Variants in PRR5L observed in about 807,000 individuals in gnomAD.
The protein encoded by PRR5L is proline-rich protein 5-like.
A neutral mutation model predicts 36.4 loss-of-function variants in PRR5L; 21 were observed. The observed-to-expected ratio is 0.58, with a 90% CI of 0.41 to 0.83. The LOEUF (loss-of-function observed/expected upper bound fraction) is 0.83. Ranked by LOEUF, PRR5L falls within the 40% of genes least tolerant of loss-of-function variation. The pLI is 0.00. For synonymous variants in PRR5L, 188 were observed against 197.0 expected (o/e 0.95, Z 0.38); for missense variants, 381 against 473.3 (o/e 0.80, Z 1.81).
At chr11:36,447,798 G>T (rs1054910010) in intron 7 of PRR5L, among the ~76,000 whole-genome samples, 1 of 152,178 alleles carries the variant, frequency 6.6e-6, no homozygotes, top group African/African-American at 2.4e-5. Flanking sequence ...ATGAGGGTGG[G>T]TGTAATTGGC....
intron 7 of PRR5L, among the ~76,000 whole-genome samples, chr11:36,447,869 C>T (rs1427949877): frequency 6.6e-6 from 1 of 152,124 alleles, no homozygotes; most frequent in Non-Finnish European, 1.5e-5. Flanking sequence ...TAGAAAAATG[C>T]ATGTGGGGCT....
chr11:36,447,857 G>T (rs188986127), intron 7 of PRR5L, among the ~76,000 whole-genome samples: 1 of 152,294 alleles, frequency 6.6e-6, no homozygotes, highest in African/African-American at 2.4e-5. Flanking sequence ...GAAGGAGGGG[G>T]ATAGAAAAAT....
At chr11:36,353,539 G>A (rs1856996618) in intron 1 of PRR5L, among the ~76,000 whole-genome samples, 1 of 152,192 alleles carries the variant, frequency 6.6e-6, no homozygotes, top group Non-Finnish European at 1.5e-5. Context: ...GGATTCTAGA[G>A]CAGCAGTCCC....
intron 8 of PRR5L, among the ~76,000 whole-genome samples, chr11:36,455,730 G>A (rs1859042950): frequency 2.6e-5 from 4 of 152,154 alleles, no homozygotes; most frequent in East Asian, 1.9e-4. Flanking sequence ...CAAGAGTGTC[G>A]GTCGCTGTCT....
In PRR5L at chr11:36,393,804, G is replaced by T. The variant is rs1297244505; in HGVS notation, c.-125-7193G>T. The T allele has an allele frequency of 3.3e-5, 5 of 152,196 alleles. No homozygotes were observed. The East Asian group carries it at 9.6e-4, about 29-fold the overall frequency. The allele number at this position is 152,196 out of a possible 1,614,324, so 9.4% of individuals were successfully genotyped here. ...TTAACAATATCGATTCTTTCAATCA[G>T]TGAACATGGAATGTCTTTCCATTTT... On this transcript the variant is annotated intron_variant, in intron 1 of 8. Coordinates refer to ENST00000530639, the MANE Select transcript of PRR5L (RefSeq NM_001160167.2).
intron 4 of PRR5L, chr11:36,425,904 G>A (rs1239423583): frequency 1.3e-5 from 2 of 152,210 alleles, no homozygotes; most frequent in African/African-American, 4.8e-5. Flanking sequence ...GATATCACCA[G>A]AAGCAAATGT....
At chr11:36,319,288 C>T (rs1295286400) in intron 1 of PRR5L, among the ~76,000 whole-genome samples, 1 of 152,174 alleles carries the variant, frequency 6.6e-6, no homozygotes, top group East Asian at 1.9e-4. Context: ...GGAGTTGATG[C>T]AGTCATCTTA....
intron 1 of PRR5L, among the ~76,000 whole-genome samples, chr11:36,389,703 T>C (rs1311740287): frequency 6.7e-6 from 1 of 150,334 alleles, no homozygotes; most frequent in African/African-American, 2.5e-5. Flanking sequence ...ACCTCCGCCT[T>C]CTGGGTTCAA....
chr11:36,301,819 TTA>T (rs1477998309), intron 1 of PRR5L, among the ~76,000 whole-genome samples: 4 of 152,134 alleles, frequency 2.6e-5, no homozygotes, highest in African/African-American at 9.7e-5. Context: ...TTCAGTGATA[TTA>T]GAGAATTATT....
At position 36,401,041 on chromosome 11, in the gene PRR5L, G is replaced by A; in HGVS notation, c.-81G>A. 1 of 1,551,872 alleles carries A rather than the reference G, an allele frequency of 6.4e-7. No homozygotes were observed. The highest frequency in any genetic ancestry group is 8.7e-7 in the Non-Finnish European group (1 of 1,148,674). On this transcript the variant is annotated 5_prime_UTR_variant, in exon 2 of 9. Transcript: ENST00000530639. ...TTTTAAGAAAGCCTGAGGGCCTGAA[G>A]GCAGCCCCTGGAGAAGCCCTTTCCG... is the stretch of plus-strand genomic sequence containing the variant.
chr11:36,323,034 G>A (rs1482275331), intron 1 of PRR5L, among the ~76,000 whole-genome samples: 4 of 152,158 alleles, frequency 2.6e-5, no homozygotes, highest in African/African-American at 9.7e-5. Context: ...TGCACACCTT[G>A]ATTTCAGTGT....
chr11:36,337,481 G>T (rs1169104800), intron 1 of PRR5L, among the ~76,000 whole-genome samples: 1 of 152,138 alleles, frequency 6.6e-6, no homozygotes, highest in Non-Finnish European at 1.5e-5. Context: ...ACTCAGCCTA[G>T]GGCATTCTGT....
intron 3 of PRR5L, among the ~76,000 whole-genome samples, chr11:36,416,782 A>G (rs187574302): frequency 6.6e-6 from 1 of 151,426 alleles, no homozygotes; most frequent in Non-Finnish European, 1.5e-5. Flanking sequence ...CTGTGCTTCC[A>G]CCCTCCCTGT....
At chr11:36,429,934 G>A (rs1267621135) in intron 4 of PRR5L, among the ~76,000 whole-genome samples, 1 of 152,208 alleles carries the variant, frequency 6.6e-6, no homozygotes, top group Non-Finnish European at 1.5e-5. Context: ...GTCTTGCCAT[G>A]ACCCAGCTGG....
intron 1 of PRR5L, among the ~76,000 whole-genome samples, chr11:36,312,321 G>A (rs975097798): frequency 1.3e-5 from 2 of 152,170 alleles, no homozygotes; most frequent in African/African-American, 4.8e-5. Context: ...GAAAAAAGGT[G>A]GGGGAAGAAA....
chr11:36,451,294 T>G lies in PRR5L; in HGVS notation c.671T>G (p.Ile224Ser), dbSNP rs1858939402. The change falls in exon 8 of 9, where the codon ATC becomes AGC. Residue 224 changes from isoleucine to serine, a missense_variant. Coordinates refer to ENST00000530639, the MANE Select transcript of PRR5L (RefSeq NM_001160167.2). ...CAAGTGGTTTCTCCTTTCCTCGGCA[T>G]CAGCGGGGACCGTAGCTTCTCAGGC... is the stretch of plus-strand genomic sequence containing the variant. ...VKQVVSPFLG[I>S]SGDRSFSGPT... is the part of the protein sequence containing the mutation. The G allele has an allele frequency of 6.2e-7, 1 of 1,614,228 alleles. No homozygotes were observed.
chr11:36,365,375 C>T lies in PRR5L; in HGVS notation c.-125-35622C>T, dbSNP rs182876436. On this transcript the variant is annotated intron_variant, in intron 1 of 8. Coordinates refer to ENST00000530639, the MANE Select transcript of PRR5L (RefSeq NM_001160167.2). ...GATCTCCCCTCGTCTTATACAGTCT[C>T]GGGTCCTTTCGAAGCAAGTTTGACT... 2.9e-3 allele frequency among the ~76,000 whole-genome samples: 441 copies of T among 152,248 alleles called. 7 individuals are homozygous for T. The highest frequency in any genetic ancestry group is 1.0e-2 in the African/African-American group (414 of 41,524).
At position 36,344,110 on chromosome 11, in the gene PRR5L, A is replaced by T. The variant is rs1005213290; in HGVS notation, c.-126+47672A>T. Among the ~76,000 whole-genome samples the T allele has an allele frequency of 1.3e-5, 2 of 152,038 alleles. No individual in the cohort carries two copies. The highest frequency in any genetic ancestry group is 4.8e-5 in the African/African-American group (2 of 41,386). ...CATGTGCCTGTTATCCCAGCTACTCAGGAGGCTGAGGTAGGAGAATCACTT... is the reference window on the plus strand; with the variant it reads ...CATGTGCCTGTTATCCCAGCTACTCTGGAGGCTGAGGTAGGAGAATCACTT... On this transcript the variant is annotated intron_variant, in intron 1 of 8. Transcript: ENST00000530639. This position sits in a 1 kb window ranked among gnomAD's most constrained non-coding sequence, Gnocchi z 4.1.
chr11:36,404,694 A>G (rs1282879328), intron 3 of PRR5L, among the ~76,000 whole-genome samples: 1 of 152,156 alleles, frequency 6.6e-6, no homozygotes, highest in Non-Finnish European at 1.5e-5. Flanking sequence ...GTTCCTGTTT[A>G]CTGTTAGTTA....
Sources: gnomAD v4.1 joint callset for allele counts (sites outside exome capture counted in the v4.1 genomes callset) on GRCh38, gnomAD v4.1.1 for gene constraint, Gnocchi (gnomAD v3.1) non-coding constraint, MANE v1.5 for transcripts, NCBI Gene and HGNC (gene_info 2026-07-23, HGNC 2026-07-21) for gene names.